PPFIA2: variants seen among roughly 807,000 people sequenced by gnomAD.
PPFIA2 encodes the protein liprin-alpha-2.
A neutral mutation model predicts 175.5 loss-of-function variants in PPFIA2; 46 were observed. The ratio of observed to expected loss-of-function variants is 0.26; its 90% CI spans 0.21 to 0.34. The LOEUF (loss-of-function observed/expected upper bound fraction) is 0.34. Among genes scored for constraint, PPFIA2 ranks in the 10% least tolerant of loss-of-function variants. The probability of loss-of-function intolerance (pLI) is 1.00; values close to 1 mark genes in which losing one functional copy is unlikely to be tolerated. For synonymous variants in PPFIA2, 568 were observed against 511.4 expected (o/e 1.11, Z -1.49); for missense variants, 1,179 against 1,506.1 (o/e 0.78, Z 3.60).
In PPFIA2 at chr12:81,266,813, C is replaced by A. The variant is rs1593395203; in HGVS notation, c.3555+139G>T. 7 of 679,750 alleles carry A rather than the reference C, an allele frequency of 1.0e-5. No individual in the cohort carries two copies. In the East Asian group the frequency reaches 2.0e-4, roughly 20 times the overall value. The allele number at this position is 679,750 out of a possible 1,614,324, so 42.1% of individuals were successfully genotyped here. Reference sequence around the variant, plus strand: ...AGTAATAAGATTGAATATTTAACAACAAACCTGGAGAAAATTATTGATTCT... The same window carrying A: ...AGTAATAAGATTGAATATTTAACAAAAAACCTGGAGAAAATTATTGATTCT... On this transcript the variant is annotated intron_variant, in intron 30 of 32. Transcript: ENST00000549396.
In PPFIA2 at chr12:81,267,986, G is replaced by C. The variant is rs764492966; in HGVS notation, c.3412C>G (p.Leu1138Val). ...NILESGVHGSLIALDENFDYS... is the reference protein window; with the variant it reads ...NILESGVHGSVIALDENFDYS... ...TCAAAGTTTTCATCCAGGGCTATAA[G>C]TGAGCCATGCACACCGCTCTCAAGT... The change falls in exon 29 of 33, where the codon CTT (leucine) becomes GTT (valine). Residue 1138 changes from leucine to valine, a missense_variant. Around this residue, in one of 10 missense-constraint regions of PPFIA2, gnomAD observed 245 missense variants for 375.1 expected, o/e 0.65. Transcript: ENST00000549396. The C allele has an allele frequency of 1.9e-6, 3 of 1,599,734 alleles. No homozygotes were observed. In the Admixed American group the frequency reaches 5.2e-5, roughly 27 times the overall value.
intron 4 of PPFIA2, among the ~76,000 whole-genome samples, chr12:81,567,021 T>C (rs192919099): frequency 1.3e-5 from 2 of 152,320 alleles, no homozygotes; most frequent in East Asian, 3.9e-4. Flanking sequence ...GTATAATAAT[T>C]TGTCTGATCT....
In PPFIA2 at chr12:81,407,481, T is replaced by TTAAAATAAAATAAAATAAAA. The variant is rs10645878; in HGVS notation, c.646-1598_646-1579dup. Among the ~76,000 whole-genome samples, 939 of 130,786 alleles carry TTAAAATAAAATAAAATAAAA rather than the reference T, an allele frequency of 7.2e-3. 8 individuals are homozygous for TTAAAATAAAATAAAATAAAA. Among genetic ancestry groups the TTAAAATAAAATAAAATAAAA allele is most frequent in the African/African-American group, 0.025 (847 of 33,932 alleles). 85.8% of individuals were successfully genotyped at this position (130,786 alleles called of 152,430 possible). A position where few individuals can be genotyped will look rare whatever the true frequency, so the allele number is the denominator to read the frequency against. ...CTGGGCGACAGAGGGAGACTCTGTC[T>TTAAAATAAAATAAAATAAAA]TAAAATAAAATAAAATAAAATAAAA... On this transcript the variant is annotated intron_variant, in intron 7 of 32. Transcript: ENST00000549396.
At chr12:81,467,215 G>A (rs1328395331) in intron 4 of PPFIA2, among the ~76,000 whole-genome samples, 1 of 152,090 alleles carries the variant, frequency 6.6e-6, no homozygotes, top group Admixed American at 6.6e-5. Flanking sequence ...TTTTTGGAGA[G>A]AATATATCTT....
intron 4 of PPFIA2, among the ~76,000 whole-genome samples, chr12:81,459,968 A>T (rs1199863119): frequency 1.3e-5 from 2 of 152,110 alleles, no homozygotes; most frequent in African/African-American, 2.4e-5. Context: ...TCTGAGCATC[A>T]TTCTCCACTG....
At chr12:81,734,336 G>GA (rs1160182542) in intron 3 of PPFIA2, among the ~76,000 whole-genome samples, 9 of 151,514 alleles carry the variant, frequency 5.9e-5, no homozygotes, top group South Asian at 2.1e-4. Context: ...TGCATTTGCA[G>GA]AAAAAAAATG....
intron 22 of PPFIA2, among the ~76,000 whole-genome samples, chr12:81,305,832 G>T (rs1439281595): frequency 1.3e-5 from 2 of 152,262 alleles, no homozygotes; most frequent in South Asian, 2.1e-4. Flanking sequence ...ACTTGAATTT[G>T]TTAGTGTTTA....
intron 4 of PPFIA2, among the ~76,000 whole-genome samples, chr12:81,488,343 G>A (rs1388716618): frequency 6.6e-6 from 1 of 151,510 alleles, no homozygotes; most frequent in Admixed American, 6.6e-5. Context: ...CTGACATTTT[G>A]CCATTTTTGG....
intron 4 of PPFIA2, among the ~76,000 whole-genome samples, chr12:81,515,225 T>TG (rs927095196): frequency 6.6e-6 from 1 of 151,926 alleles, no homozygotes; most frequent in African/African-American, 2.4e-5. Context: ...ATTCAAGTAA[T>TG]GGGGGGTACA....
intron 22 of PPFIA2, among the ~76,000 whole-genome samples, chr12:81,313,212 T>C (rs1051921454): frequency 6.6e-6 from 1 of 152,098 alleles, no homozygotes; most frequent in Admixed American, 6.6e-5. Context: ...TTTAAAAATA[T>C]ATTACAAGCA....
intron 4 of PPFIA2, among the ~76,000 whole-genome samples, chr12:81,646,697 T>C (rs1242984992): frequency 6.6e-6 from 1 of 152,214 alleles, no homozygotes; most frequent in Admixed American, 6.5e-5. Context: ...AATGTGTCCA[T>C]AGTGACACTA....
chr12:81,589,198 A>G (rs1359979180), intron 4 of PPFIA2, among the ~76,000 whole-genome samples: 2 of 152,068 alleles, frequency 1.3e-5, no homozygotes, highest in South Asian at 2.1e-4. Context: ...GCCCTCATAT[A>G]ATATACAGCC....
At chr12:81,630,995 C>T (rs1215871757) in intron 4 of PPFIA2, among the ~76,000 whole-genome samples, 1 of 151,530 alleles carries the variant, frequency 6.6e-6, no homozygotes, top group African/African-American at 2.4e-5. Flanking sequence ...CTCCCAGTCT[C>T]ACCATCCTCC....
At chr12:81,626,092 T>G (rs1031931990) in intron 4 of PPFIA2, among the ~76,000 whole-genome samples, 3 of 151,794 alleles carry the variant, frequency 2.0e-5, no homozygotes, top group African/African-American at 7.2e-5. Context: ...CTTTTCTAAA[T>G]TTGATTCATA....
chr12:81,365,302 T>G (rs1242446959), intron 14 of PPFIA2, among the ~76,000 whole-genome samples: 3 of 151,830 alleles, frequency 2.0e-5, no homozygotes, highest in Admixed American at 2.0e-4. Context: ...GAAGATGTGG[T>G]CAGATTAGTG....
chr12:81,598,382 A>G, intron 4 of PPFIA2: 1 of 1,078,938 alleles, frequency 9.3e-7, no homozygotes, highest in Non-Finnish European at 1.1e-6. Context: ...AGTGATAATC[A>G]CCTCCCTCCA....
chr12:81,439,980 T>C lies in PPFIA2; in HGVS notation c.637A>G (p.Asn213Asp). 1 of 1,607,940 alleles carries C rather than the reference T, an allele frequency of 6.2e-7. No individual in the cohort carries two copies. ...SALEEELAAANQEIVALREQN... is the reference protein window; with the variant it reads ...SALEEELAAADQEIVALREQN... ...AAAGTGTGGCAGGTTACCTCCTGAT[T>C]AGCAGCAGCTAGTTCTTCTTCCAGT... The change falls in exon 7 of 33, where the codon AAT (asparagine) becomes GAT (aspartate). Residue 213 changes from asparagine (N) to aspartate (D), a missense_variant. This residue lies in a region of PPFIA2 where 49 missense variants were observed against 108.9 expected (regional missense o/e 0.45). Coordinates refer to ENST00000549396, the MANE Select transcript of PPFIA2 (RefSeq NM_003625.5).
At chr12:81,645,873 G>T (rs2065988891) in intron 4 of PPFIA2, among the ~76,000 whole-genome samples, 1 of 152,228 alleles carries the variant, frequency 6.6e-6, no homozygotes, top group African/African-American at 2.4e-5. Context: ...TACAAGAGGG[G>T]TTCAGCTACT....
At chr12:81,694,414 TCCAGATACTGCTAGTGCTG>T (rs1288393848) in intron 3 of PPFIA2, among the ~76,000 whole-genome samples, 1 of 152,120 alleles carries the variant, frequency 6.6e-6, no homozygotes, top group Non-Finnish European at 1.5e-5. Flanking sequence ...ATCAAAGGGT[TCCAGATACTGCTAGTGCTG>T]CCAGATACTG....
Sources: gnomAD v4.1 joint callset for allele counts (sites outside exome capture counted in the v4.1 genomes callset) on GRCh38, gnomAD v4.1.1 for gene constraint, gnomAD v4.1.1 regional missense constraint, MANE v1.5 for transcripts, NCBI Gene and HGNC (gene_info 2026-07-23, HGNC 2026-07-21) for gene names.